Variants in THSD7B observed in about 807,000 individuals in gnomAD.
THSD7B encodes the protein thrombospondin type 1 domain containing 7B, also known as thrombospondin type-1 domain-containing protein 7B.
A neutral mutation model predicts 213.6 loss-of-function variants in THSD7B; 138 were observed. The ratio of observed to expected loss-of-function variants is 0.65; its 90% CI spans 0.56 to 0.74. THSD7B has a LOEUF of 0.74. Among genes scored for constraint, THSD7B ranks in the 30% least tolerant of loss-of-function variants. The pLI, the probability that THSD7B is intolerant of heterozygous loss-of-function variation, is 0.00. For missense variants in THSD7B, 1,931 were observed against 1,991.5 expected, an observed-to-expected ratio of 0.97 and a Z score of 0.58; for synonymous variants, 742 against 687.0, an observed-to-expected ratio of 1.08 and a Z score of -1.25.
intron 1 of THSD7B, among the ~76,000 whole-genome samples, chr2:136,815,513 A>G (rs1229132146): frequency 6.6e-6 from 1 of 152,210 alleles, no homozygotes; most frequent in African/African-American, 2.4e-5. Context: ...TAATTGCAGG[A>G]GATAACTTAT....
At chr2:136,864,616 G>T (rs1407447229) in intron 1 of THSD7B, among the ~76,000 whole-genome samples, 2 of 151,298 alleles carry the variant, frequency 1.3e-5, no homozygotes, top group Non-Finnish European at 2.9e-5. Context: ...GCAGTGGTGC[G>T]ATCTCAGCTC....
chr2:137,051,637 G>A (rs1350152075), intron 2 of THSD7B, among the ~76,000 whole-genome samples: 1 of 152,136 alleles, frequency 6.6e-6, no homozygotes, highest in African/African-American at 2.4e-5. Flanking sequence ...CATTATTCAT[G>A]TCATCTCCCC....
intron 2 of THSD7B, among the ~76,000 whole-genome samples, chr2:136,968,070 C>G (rs1319772940): frequency 1.3e-5 from 2 of 152,068 alleles, no homozygotes; most frequent in African/African-American, 2.4e-5. Context: ...CAGTGCTGCT[C>G]TGAACATTTT....
intron 1 of THSD7B, among the ~76,000 whole-genome samples, chr2:136,796,924 G>T (rs1261756736): frequency 6.6e-6 from 1 of 151,316 alleles, no homozygotes; most frequent in African/African-American, 2.4e-5. Context: ...GTTTGGAAGA[G>T]CTTGGGAGGG....
At chr2:137,311,309 C>T (rs983049563) in intron 12 of THSD7B, among the ~76,000 whole-genome samples, 6 of 151,596 alleles carry the variant, frequency 4.0e-5, no homozygotes, top group African/African-American at 1.5e-4. Context: ...CTCTGTTTGT[C>T]TGTTGTTGGT....
chr2:137,538,580 T>A (rs1366724963), intron 15 of THSD7B: 1 of 489,110 alleles, frequency 2.0e-6, no homozygotes, highest in Non-Finnish European at 4.0e-6. Context: ...CCAGCTTTTT[T>A]TCTCTTTGTA....
chr2:137,546,726 C>G (rs1426846185), intron 15 of THSD7B, among the ~76,000 whole-genome samples: 1 of 150,160 alleles, frequency 6.7e-6, no homozygotes, highest in African/African-American at 2.5e-5. Flanking sequence ...ATTATCAAGG[C>G]CAAGTTTGTG....
intron 27 of THSD7B, among the ~76,000 whole-genome samples, chr2:137,674,041 T>A (rs550921701): frequency 1.6e-4 from 24 of 152,304 alleles, no homozygotes; most frequent in African/African-American, 5.8e-4. Context: ...TTTGTGTAAA[T>A]TTTGAATAGA....
At chr2:137,491,601 G>A (rs1688607086) in intron 15 of THSD7B, among the ~76,000 whole-genome samples, 1 of 152,178 alleles carries the variant, frequency 6.6e-6, no homozygotes, top group Non-Finnish European at 1.5e-5. Context: ...TTAGATTGGG[G>A]TTGGCCCAAA....
intron 2 of THSD7B, among the ~76,000 whole-genome samples, chr2:136,970,936 C>T (rs2104799425): frequency 6.6e-6 from 1 of 152,134 alleles, no homozygotes; most frequent in East Asian, 1.9e-4. Context: ...GTTAATTAAT[C>T]TTAAACATAC....
chr2:137,056,615 A>G lies in THSD7B; in HGVS notation c.335A>G (p.His112Arg), dbSNP rs779388790. Residue 112 changes from histidine (H) to arginine (R), a missense_variant, in exon 3 of 28, where the codon CAC (histidine) becomes CGC (arginine). Coordinates refer to ENST00000409968, the MANE Select transcript of THSD7B (RefSeq NM_001316349.2). ...TTTCAGTGGGAGGTTTCTGACTGGC[A>G]CCACTGTGTGCTTGTTCCTTACGCT... ...DLFQWEVSDWHHCVLVPYARG... is the reference protein window; with the variant it reads ...DLFQWEVSDWRHCVLVPYARG... The G allele has an allele frequency of 9.9e-6, 16 of 1,613,834 alleles. No individual in the cohort carries two copies. The highest frequency in any genetic ancestry group is 1.3e-5 in the African/African-American group (1 of 74,930).
At chr2:137,158,584 C>T (rs1679952095) in intron 5 of THSD7B, among the ~76,000 whole-genome samples, 1 of 152,118 alleles carries the variant, frequency 6.6e-6, no homozygotes, top group South Asian at 2.1e-4. Context: ...CTCTCTTTTC[C>T]TTTCACCCTC....
chr2:137,310,794 T>C (rs1683882267), intron 12 of THSD7B, among the ~76,000 whole-genome samples: 4 of 152,052 alleles, frequency 2.6e-5, no homozygotes, highest in African/African-American at 7.2e-5. Context: ...TTCTCAGGTT[T>C]GTCAAAGATC....
At chr2:136,873,306 C>G (rs1683472258) in intron 1 of THSD7B, among the ~76,000 whole-genome samples, 1 of 152,160 alleles carries the variant, frequency 6.6e-6, no homozygotes. Flanking sequence ...GTATGCATTC[C>G]CATGCCACAT....
intron 7 of THSD7B, among the ~76,000 whole-genome samples, chr2:137,227,134 G>A (rs1573898651): frequency 6.6e-6 from 1 of 152,090 alleles, no homozygotes; most frequent in African/African-American, 2.4e-5. Flanking sequence ...AAAATATTTT[G>A]TAACCATTGT....
intron 26 of THSD7B, 128 bp from the exon 27 acceptor site, chr2:137,667,646 T>C (rs1683474697): frequency 2.9e-6 from 2 of 681,020 alleles, no homozygotes; most frequent in Non-Finnish European, 5.0e-6. Context: ...CACAGTTGGC[T>C]AAAGTGCTGC....
chr2:137,561,449 A>C (rs925512845), intron 15 of THSD7B, among the ~76,000 whole-genome samples: 1 of 152,202 alleles, frequency 6.6e-6, no homozygotes, highest in Admixed American at 6.5e-5. Context: ...TACTTTTCAA[A>C]TTAAGTTTTT....
chr2:137,590,791 A>ATTTTTTTTTTTTTTTTTTT (rs1573730097), intron 17 of THSD7B, among the ~76,000 whole-genome samples: 4 of 96,936 alleles, frequency 4.1e-5, no homozygotes, highest in Non-Finnish European at 4.3e-5. Flanking sequence ...GCTTTGAAAT[A>ATTTTTTTTTTTTTTTTTTT]GTTTTTTTTT....
intron 12 of THSD7B, among the ~76,000 whole-genome samples, chr2:137,324,856 G>A (rs1452879384): frequency 2.0e-5 from 3 of 152,284 alleles, no homozygotes; most frequent in African/African-American, 7.2e-5. Flanking sequence ...TTACTGACCC[G>A]TTTCTGAGGA....
Sources: gnomAD v4.1 joint callset for allele counts (sites outside exome capture counted in the v4.1 genomes callset) on GRCh38, gnomAD v4.1.1 for gene constraint, MANE v1.5 for transcripts, NCBI Gene and HGNC (gene_info 2026-07-23, HGNC 2026-07-21) for gene names.